Variants in SRP54 observed in about 807,000 individuals in gnomAD.
SRP54 encodes the protein signal recognition particle 54, also known as signal recognition particle subunit SRP54.
SRP54 carries 10 observed loss-of-function variants against 64.8 expected under a neutral mutation model. The ratio of observed to expected loss-of-function variants is 0.15; its 90% CI spans 0.10 to 0.26. The LOEUF (loss-of-function observed/expected upper bound fraction) is 0.26, where lower values mean the gene tolerates loss of function less well. Among genes scored for constraint, SRP54 ranks in the 10% least tolerant of loss-of-function variants. The pLI is 1.00. For missense variants in SRP54, 325 were observed against 613.7 expected, an observed-to-expected ratio of 0.53 and a Z score of 4.97; for synonymous variants, 193 against 185.6, an observed-to-expected ratio of 1.04 and a Z score of -0.32.
chr14:35,019,637 A>G (rs2044494216), intron 13 of SRP54, among the ~76,000 whole-genome samples: 1 of 152,220 alleles, frequency 6.6e-6, no homozygotes, highest in Non-Finnish European at 1.5e-5. Flanking sequence ...TGTCTGAAAC[A>G]TAAGAATTCA....
intron 1 of SRP54, among the ~76,000 whole-genome samples, chr14:34,995,444 C>T (rs1476945582): frequency 6.6e-6 from 1 of 151,942 alleles, no homozygotes; most frequent in African/African-American, 2.4e-5. Context: ...AGCTGATGTC[C>T]CTGTTAGCAG....
intron 1 of SRP54, among the ~76,000 whole-genome samples, chr14:34,989,900 A>G (rs149527689): frequency 1.7e-4 from 26 of 152,308 alleles, no homozygotes; most frequent in African/African-American, 6.0e-4. Flanking sequence ...TGGTAATGGT[A>G]TCTTCATTTT....
At chr14:34,991,664 T>G (rs1365025329) in intron 1 of SRP54, among the ~76,000 whole-genome samples, 1 of 134,678 alleles carries the variant, frequency 7.4e-6, no homozygotes, top group African/African-American at 2.9e-5. Context: ...GACACTGAGG[T>G]GGAAATGTGT....
intron 13 of SRP54, among the ~76,000 whole-genome samples, chr14:35,020,715 A>G (rs529207800): frequency 6.6e-6 from 1 of 152,310 alleles, no homozygotes; most frequent in Admixed American, 6.5e-5. Flanking sequence ...TGCATGTAGA[A>G]TTCATAATTG....
chr14:34,996,952 T>C, intron 2 of SRP54, 165 bp downstream of exon 2: 1 of 421,530 alleles, frequency 2.4e-6, no homozygotes, highest in Non-Finnish European at 4.2e-6. Context: ...ATTGAGAAAT[T>C]AACTACAACT....
chr14:35,015,076 T>C (rs1335179835), intron 11 of SRP54, among the ~76,000 whole-genome samples: 1 of 152,142 alleles, frequency 6.6e-6, no homozygotes, highest in Non-Finnish European at 1.5e-5. Context: ...CTAGGTTCCT[T>C]GAAGTTTTTC....
At chr14:35,014,997 A>G (rs573798334) in intron 11 of SRP54, among the ~76,000 whole-genome samples, 167 bp downstream of exon 11, 19 of 152,286 alleles carry the variant, frequency 1.2e-4, no homozygotes, top group Admixed American at 3.3e-4. Context: ...CAGGTACCTG[A>G]GCAGTTACAG....
At chr14:34,998,295 A>G (rs1417011933) in intron 2 of SRP54, among the ~76,000 whole-genome samples, 5 of 152,152 alleles carry the variant, frequency 3.3e-5, no homozygotes, top group Admixed American at 3.3e-4. Context: ...GTGTGTGAGC[A>G]CTTTATATAC....
At chr14:35,003,657 C>T (rs1260565491) in intron 4 of SRP54, among the ~76,000 whole-genome samples, 10 of 150,594 alleles carry the variant, frequency 6.6e-5, no homozygotes, top group Admixed American at 6.6e-5. Flanking sequence ...CAGCCTCATC[C>T]TCCCTGGGCT....
intron 8 of SRP54, 59 bp downstream of exon 8, chr14:35,011,718 C>T: frequency 7.2e-7 from 1 of 1,379,758 alleles, no homozygotes; most frequent in Non-Finnish European, 9.6e-7. Flanking sequence ...ATTATAAAAC[C>T]AGGTTGAGTA....
chr14:35,026,199 A>T (rs1453730622), intron 14 of SRP54, among the ~76,000 whole-genome samples: 5 of 76,198 alleles, frequency 6.6e-5, no homozygotes, highest in African/African-American at 2.1e-4. Context: ...GTTGTTGTTT[A>T]TTTTTTGTTG....
chr14:35,011,444 C>T (rs1299227469), intron 7 of SRP54, 65 bp from the exon 8 acceptor site: 2 of 1,256,658 alleles, frequency 1.6e-6, no homozygotes, highest in Admixed American at 2.8e-5. Context: ...GGTAAATTAA[C>T]TTTCCGAATT....
chr14:35,013,646 C>G (rs1207686855), intron 9 of SRP54, 152 bp downstream of exon 9: 1 of 1,128,204 alleles, frequency 8.9e-7, no homozygotes, highest in Non-Finnish European at 1.2e-6. Flanking sequence ...ATTTTGGAGC[C>G]TGTCTGATAT....
intron 14 of SRP54, among the ~76,000 whole-genome samples, chr14:35,024,325 G>T (rs1456906741): frequency 6.6e-6 from 1 of 152,144 alleles, no homozygotes; most frequent in African/African-American, 2.4e-5. Context: ...CACCACGTCC[G>T]GCCTCACTTC....
intron 1 of SRP54, among the ~76,000 whole-genome samples, chr14:34,985,905 G>A (rs999606997): frequency 3.3e-5 from 5 of 152,164 alleles, no homozygotes; most frequent in Non-Finnish European, 5.9e-5. Context: ...CATTGCTTGA[G>A]CATATGCCTC....
chr14:35,008,322 A>G (rs1042150380), intron 5 of SRP54, among the ~76,000 whole-genome samples: 1 of 152,216 alleles, frequency 6.6e-6, no homozygotes, highest in Non-Finnish European at 1.5e-5. Flanking sequence ...GGAAAAAGAG[A>G]AAAGGATGAT....
rs527372986 is a variant in SRP54 at position 35,029,244 on chromosome 14, G to A, written c.*92G>A. 2.7e-5 allele frequency: 25 copies of A among 915,228 alleles called. No homozygotes were observed. Among genetic ancestry groups the A allele is most frequent in the African/African-American group, 1.7e-5 (1 of 58,674 alleles). 56.7% of individuals were successfully genotyped at this position (915,228 alleles called of 1,614,324 possible). On this transcript the variant is annotated 3_prime_UTR_variant, in exon 16 of 16. Coordinates refer to ENST00000216774, the MANE Select transcript of SRP54 (RefSeq NM_003136.4). ...TCTTTTTGCGAATTGGGGGGAAAGT[G>A]TATTTTTCTTGCTTATCATGCACTC...
chr14:35,007,298 G>A lies in SRP54; in HGVS notation c.271G>A (p.Val91Ile). 1.3e-6 allele frequency: 2 copies of A among 1,587,770 alleles called. No individual in the cohort carries two copies. The highest frequency in any genetic ancestry group is 1.7e-6 in the Non-Finnish European group (2 of 1,162,374). ...TGGTATTTAGCTTGTAGACCCTGGA[G>A]TTAAGGCATGGACACCCACTAAAGG... is the stretch of plus-strand genomic sequence containing the variant. ...KELVKLVDPG[V>I]KAWTPTKGKQ... The change falls in exon 5 of 16, where the codon GTT becomes ATT. Residue 91 changes from valine to isoleucine, a missense_variant. Physicochemically the swap from Val to Ile is conservative, Grantham distance 29. This residue lies in a region of SRP54 where 156 missense variants were observed against 254.6 expected (regional missense o/e 0.61). Transcript: ENST00000216774.
rs2044688196 is a variant in SRP54 at position 35,029,336 on chromosome 14, A to G, written c.*184A>G. ...TCCTTCCTTCTTTCCTCCCTTTAAT[A>G]TAAGGGAGAAATACATGGTTTTTGT... On this transcript the variant is annotated 3_prime_UTR_variant, in exon 16 of 16. Coordinates refer to ENST00000216774, the MANE Select transcript of SRP54 (RefSeq NM_003136.4). 2.2e-6 allele frequency: 1 copy of G among 464,968 alleles called. No homozygotes were observed. 28.8% of individuals were successfully genotyped at this position (464,968 alleles called of 1,614,324 possible). A position where few individuals can be genotyped will look rare whatever the true frequency, so the allele number is the denominator to read the frequency against.
Sources: gnomAD v4.1 joint callset for allele counts (sites outside exome capture counted in the v4.1 genomes callset) on GRCh38, gnomAD v4.1.1 for gene constraint, gnomAD v4.1.1 regional missense constraint, MANE v1.5 for transcripts, NCBI Gene and HGNC (gene_info 2026-07-23, HGNC 2026-07-21) for gene names.